The following GPC5 variants were observed in gnomAD, a reference collection of about 807,000 sequenced individuals.
GPC5 encodes glypican-5.
In GPC5, 47 loss-of-function variants were observed where a neutral mutation model predicts 53.9. The observed-to-expected ratio is 0.87, with a 90% confidence interval of 0.69 to 1.11. The LOEUF is 1.11. Ranked by LOEUF, GPC5 falls within the 50% of genes most tolerant of loss-of-function variation. The pLI is 0.00. For synonymous variants in GPC5, 286 were observed against 263.3 expected (o/e 1.09, Z -0.84); for missense variants, 748 against 713.1 (o/e 1.05, Z -0.56).
chr13:92,262,014 AG>A (rs1430773526), intron 7 of GPC5, among the ~76,000 whole-genome samples: 1 of 152,168 alleles, frequency 6.6e-6, no homozygotes, highest in Non-Finnish European at 1.5e-5. Flanking sequence ...CAGTATTTGT[AG>A]TCAGGCTTTT....
In GPC5 at chr13:92,690,337, C is replaced by T. The variant is rs1279664460; in HGVS notation, c.1562-175945C>T. Among the ~76,000 whole-genome samples the T allele has an allele frequency of 8.6e-5, 8 of 92,518 alleles. 3 individuals carry two copies. Among genetic ancestry groups the T allele is most frequent in the Middle Eastern group, 8.7e-3 (2 of 230 alleles). The allele number at this position is 92,518 out of a possible 152,430, so 60.7% of individuals were successfully genotyped here. On this transcript the variant is annotated intron_variant, in intron 7 of 7. Transcript: ENST00000377067. ...TCATTTCATCTTCCATTGTTGATAC[C>T]CTTTCCTCCAGTTGATCGCATCAGC...
At position 91,410,582 on chromosome 13, in the gene GPC5, G is replaced by A. The variant is rs998986527; in HGVS notation, c.163+11373G>A. Among the ~76,000 whole-genome samples, 304 of 151,708 alleles carry A rather than the reference G, an allele frequency of 2.0e-3. 2 individuals are homozygous for A. Among genetic ancestry groups the A allele is most frequent in the African/African-American group, 7.0e-3 (290 of 41,454 alleles). ...AGGATGGTCTCGATCTCCTGACCTC[G>A]TGATCCGCCCGCCTTGGCCTCCCAA... On this transcript the variant is annotated intron_variant, in intron 1 of 7. Transcript: ENST00000377067.
At chr13:91,920,721 T>C (rs980876179) in intron 6 of GPC5, among the ~76,000 whole-genome samples, 4 of 152,066 alleles carry the variant, frequency 2.6e-5, no homozygotes, top group African/African-American at 9.7e-5. Context: ...GGCATCAGAT[T>C]TGTAGCTGTA....
intron 5 of GPC5, among the ~76,000 whole-genome samples, chr13:91,837,901 G>A (rs1162576890): frequency 6.6e-6 from 1 of 152,052 alleles, no homozygotes. Context: ...ATGGGTGGGG[G>A]TCATCCAAGG....
intron 7 of GPC5, among the ~76,000 whole-genome samples, chr13:92,749,425 T>C (rs965625031): frequency 3.3e-5 from 5 of 152,068 alleles, no homozygotes; most frequent in Non-Finnish European, 7.4e-5. Flanking sequence ...TATGAGAAAA[T>C]AGTTCATCCG....
chr13:92,171,810 A>G (rs1443066790), intron 7 of GPC5, among the ~76,000 whole-genome samples: 1 of 152,142 alleles, frequency 6.6e-6, no homozygotes, highest in Non-Finnish European at 1.5e-5. Flanking sequence ...ACTCACACAC[A>G]TATATTCATT....
intron 3 of GPC5, among the ~76,000 whole-genome samples, chr13:91,703,768 C>T (rs1486743582): frequency 1.3e-5 from 2 of 152,108 alleles, no homozygotes; most frequent in African/African-American, 2.4e-5. Context: ...TGGAGCCATT[C>T]ATCTGGGATT....
chr13:91,770,338 A>G (rs1489737014), intron 5 of GPC5, among the ~76,000 whole-genome samples: 2 of 152,116 alleles, frequency 1.3e-5, no homozygotes, highest in African/African-American at 2.4e-5. Context: ...TGATCAATCA[A>G]TCATTGAGTA....
chr13:92,352,097 A>C (rs2043482891), intron 7 of GPC5, among the ~76,000 whole-genome samples: 1 of 152,220 alleles, frequency 6.6e-6, no homozygotes, highest in African/African-American at 2.4e-5. Flanking sequence ...ATAGGTGCAG[A>C]AACAGTCAGA....
intron 7 of GPC5, among the ~76,000 whole-genome samples, chr13:92,731,946 G>C (rs1888817431): frequency 6.6e-6 from 1 of 151,478 alleles, no homozygotes; most frequent in African/African-American, 2.4e-5. Flanking sequence ...GAGGTGCGGG[G>C]TGATTCCATG....
intron 6 of GPC5, among the ~76,000 whole-genome samples, chr13:91,959,737 G>A (rs1278577884): frequency 2.0e-5 from 3 of 151,972 alleles, no homozygotes; most frequent in African/African-American, 7.2e-5. Context: ...ATTGTAATAT[G>A]TAATAATATA....
At chr13:91,403,345 G>T (rs1013358465) in intron 1 of GPC5, among the ~76,000 whole-genome samples, 8 of 152,168 alleles carry the variant, frequency 5.3e-5, no homozygotes, top group Admixed American at 4.6e-4. Context: ...GTAGGTAGTT[G>T]GGAGGGCTTT....
At chr13:91,925,150 C>G (rs187400555) in intron 6 of GPC5, among the ~76,000 whole-genome samples, 1 of 152,064 alleles carries the variant, frequency 6.6e-6, no homozygotes, top group Non-Finnish European at 1.5e-5. Flanking sequence ...AGAAAAATTT[C>G]AAGATATTGT....
chr13:92,153,068 G>T (rs546892356), intron 7 of GPC5, among the ~76,000 whole-genome samples: 1 of 152,262 alleles, frequency 6.6e-6, no homozygotes, highest in Non-Finnish European at 1.5e-5. Flanking sequence ...TACTCCTTTT[G>T]TTAAACAGTG....
chr13:91,974,980 T>C (rs1396760751), intron 6 of GPC5, among the ~76,000 whole-genome samples: 2 of 152,130 alleles, frequency 1.3e-5, no homozygotes, highest in East Asian at 3.9e-4. Flanking sequence ...TCTACAACCA[T>C]CTGATCTCTC....
chr13:92,107,384 T>A (rs2041518508), intron 6 of GPC5, among the ~76,000 whole-genome samples: 1 of 152,088 alleles, frequency 6.6e-6, no homozygotes, highest in Admixed American at 6.6e-5. Flanking sequence ...GGACAGTTTC[T>A]TGTGATATGC....
Position 91,637,812 on chromosome 13 carries a change from A to T in GPC5, c.326-55375A>T, listed in dbSNP as rs371336628. Reference sequence around the variant, plus strand: ...AGTTTAACTTTGATGCCTAAATTGGATTTTGTTTTCCAAGACCATGAGAGT... The same window carrying T: ...AGTTTAACTTTGATGCCTAAATTGGTTTTTGTTTTCCAAGACCATGAGAGT... On this transcript the variant is annotated intron_variant, in intron 2 of 7. Coordinates refer to ENST00000377067, the MANE Select transcript of GPC5 (RefSeq NM_004466.6). Among the ~76,000 whole-genome samples the T allele has an allele frequency of 1.1e-4, 17 of 152,306 alleles. No individual in the cohort carries two copies. In the South Asian group the frequency reaches 3.5e-3, roughly 32 times the overall value.
chr13:92,579,270 C>T lies in GPC5; in HGVS notation c.1562-287012C>T, dbSNP rs181214603. On this transcript the variant is annotated intron_variant, in intron 7 of 7. Transcript: ENST00000377067. ...CCCTCCCTCCCTCCCTCCCTCCCTC[C>T]CTCCCTCTCTCTCTCTCTCTCTCTC... Among the ~76,000 whole-genome samples, 17 of 26,020 alleles carry T rather than the reference C, an allele frequency of 6.5e-4. 1 individual carries two copies. Among genetic ancestry groups the T allele is most frequent in the Non-Finnish European group, 9.7e-4 (14 of 14,362 alleles). The allele number at this position is 26,020 out of a possible 152,430, so 17.1% of individuals were successfully genotyped here.
intron 5 of GPC5, among the ~76,000 whole-genome samples, chr13:91,769,605 G>GTCT (rs2037585344): frequency 6.6e-6 from 1 of 152,192 alleles, no homozygotes; most frequent in East Asian, 1.9e-4. Context: ...GAACAGAAGG[G>GTCT]AAATCAGCGT....
Sources: gnomAD v4.1 joint callset for allele counts (sites outside exome capture counted in the v4.1 genomes callset) on GRCh38, gnomAD v4.1.1 for gene constraint, MANE v1.5 for transcripts, NCBI Gene and HGNC (gene_info 2026-07-23, HGNC 2026-07-21) for gene names.